Variants in PCDHGA1 observed in about 807,000 individuals in gnomAD.
PCDHGA1 encodes the protein protocadherin gamma subfamily A, 1, also known as protocadherin gamma-A1.
Under a neutral mutation model 58.0 loss-of-function variants are expected in PCDHGA1, and 32 were observed. The ratio of observed to expected loss-of-function variants is 0.55; its 90% CI spans 0.42 to 0.74. PCDHGA1 has a LOEUF of 0.74. Among genes scored for constraint, PCDHGA1 ranks in the 30% least tolerant of loss-of-function variants. The pLI, the probability that PCDHGA1 is intolerant of heterozygous loss-of-function variation, is 0.00. For synonymous variants in PCDHGA1, 498 were observed against 501.1 expected (o/e 0.99, Z 0.08); for missense variants, 1,205 against 1,182.3 (o/e 1.02, Z -0.28).
chr5:141,499,233 C>A (rs1047984757), intron 2 of PCDHGA1, among the ~76,000 whole-genome samples: 2 of 152,116 alleles, frequency 1.3e-5, no homozygotes, highest in Non-Finnish European at 2.9e-5. Context: ...CAGCTGTCCC[C>A]AGCCTCTGCA....
intron 1 of PCDHGA1, chr5:141,414,372 A>G: frequency 1.2e-6 from 2 of 1,613,914 alleles, no homozygotes; most frequent in Non-Finnish European, 1.7e-6. Context: ...TTAAATTAGA[A>G]AAGTCCATTG....
intron 1 of PCDHGA1, chr5:141,364,853 A>G (rs1352459567): frequency 6.2e-7 from 1 of 1,614,022 alleles, no homozygotes; most frequent in Non-Finnish European, 8.5e-7. Context: ...GCTCAGCTCC[A>G]ATCTGCACTT....
At chr5:141,372,380 A>G in intron 1 of PCDHGA1, 1 of 1,613,964 alleles carries the variant, frequency 6.2e-7, no homozygotes, top group Non-Finnish European at 8.5e-7. Context: ...TGCTGCACCT[A>G]ATCTTCGCAG....
chr5:141,489,060 TC>T lies in PCDHGA1; in HGVS notation c.2422-5741del, dbSNP rs1037208652. 41 of 300,146 alleles carry T rather than the reference TC, an allele frequency of 1.4e-4. No individual in the cohort carries two copies. The highest frequency in any genetic ancestry group is 2.3e-4 in the Non-Finnish European group (38 of 162,914). The allele number at this position is 300,146 out of a possible 1,614,324, so 18.6% of individuals were successfully genotyped here. A position where few individuals can be genotyped will look rare whatever the true frequency, so the allele number is the denominator to read the frequency against. On this transcript the variant is annotated intron_variant, in intron 1 of 3. Coordinates refer to ENST00000517417, the MANE Select transcript of PCDHGA1 (RefSeq NM_018912.3). This position sits in a 1 kb window ranked among gnomAD's most constrained non-coding sequence, Gnocchi z 4.5. ...CAGCTCCACTCAAATTCAGCTCCCC[TC>T]CCCCCTGCCCACCCCCGCCACTCGG...
At chr5:141,365,727 C>A (rs2149880807) in intron 1 of PCDHGA1, 1 of 1,613,786 alleles carries the variant, frequency 6.2e-7, no homozygotes, top group Non-Finnish European at 8.5e-7. Flanking sequence ...GAAAACAATC[C>A]CAGAGGTGTC....
intron 1 of PCDHGA1, chr5:141,351,505 C>A (rs780867267): frequency 6.2e-7 from 1 of 1,614,000 alleles, no homozygotes; most frequent in Non-Finnish European, 8.5e-7. Flanking sequence ...CAGACTACAA[C>A]GTCACAATCA....
intron 1 of PCDHGA1, among the ~76,000 whole-genome samples, chr5:141,462,288 G>A (rs1239615759): frequency 3.9e-5 from 6 of 152,196 alleles, no homozygotes; most frequent in Non-Finnish European, 7.3e-5. Flanking sequence ...CACCAAATAT[G>A]TAAGTATTAC....
Position 141,485,208 on chromosome 5 carries a change from G to T in PCDHGA1, c.2422-9599G>T, listed in dbSNP as rs2099609377. On this transcript the variant is annotated intron_variant, in intron 1 of 3. Coordinates refer to ENST00000517417, the MANE Select transcript of PCDHGA1 (RefSeq NM_018912.3). This position sits in a 1 kb window ranked among gnomAD's most constrained non-coding sequence, Gnocchi z 5.7. ...AAGGTGAGAAGCTGGACAGAAATCT[G>T]GCGGTGGGCTACCCTTTTGTTCCTC... The T allele has an allele frequency of 6.2e-7, 1 of 1,613,998 alleles. No homozygotes were observed. The highest frequency in any genetic ancestry group is 1.3e-5 in the African/African-American group (1 of 74,930).
chr5:141,473,116 G>A (rs966472502), intron 1 of PCDHGA1, among the ~76,000 whole-genome samples: 19 of 152,114 alleles, frequency 1.2e-4, no homozygotes, highest in African/African-American at 4.6e-4. Context: ...ACTTTACTTG[G>A]CTCTTTGGCA....
chr5:141,432,276 C>G lies in PCDHGA1; in HGVS notation c.2422-62531C>G, dbSNP rs747589363. ...GGGGCAAGCCTATCGTCCTACGTGT[C>G]CATCAACTCCGACACTGGGGTACTG... On this transcript the variant is annotated intron_variant, in intron 1 of 3. Transcript: ENST00000517417. The surrounding 1 kb of genome is among the most constrained non-coding windows in gnomAD (Gnocchi z 6.0). 6.2e-7 allele frequency: 1 copy of G among 1,614,236 alleles called. No homozygotes were observed. Among genetic ancestry groups the G allele is most frequent in the Non-Finnish European group, 8.5e-7 (1 of 1,180,044 alleles).
intron 1 of PCDHGA1, chr5:141,355,002 A>G: frequency 1.3e-6 from 1 of 756,684 alleles, no homozygotes; most frequent in South Asian, 3.1e-5. Flanking sequence ...GGGGGAAAAG[A>G]CAAACCAGAA....
intron 1 of PCDHGA1, chr5:141,388,368 A>G (rs1420676769): frequency 1.2e-6 from 2 of 1,614,026 alleles, no homozygotes; most frequent in Admixed American, 3.3e-5. Context: ...TGATGCGGAT[A>G]TTGGTAGCAA....
At chr5:141,482,809 T>C (rs1295469639) in intron 1 of PCDHGA1, among the ~76,000 whole-genome samples, 1 of 152,170 alleles carries the variant, frequency 6.6e-6, no homozygotes, top group Non-Finnish European at 1.5e-5. Flanking sequence ...CGGTGGCTCA[T>C]GCCTGTAATC....
intron 1 of PCDHGA1, chr5:141,400,525 G>T: frequency 1.2e-6 from 2 of 1,613,908 alleles, no homozygotes; most frequent in Non-Finnish European, 1.7e-6. Flanking sequence ...TCCTGAGTTG[G>T]TGAGTTTCAT....
chr5:141,405,261 T>TC, intron 1 of PCDHGA1: 1 of 1,613,852 alleles, frequency 6.2e-7, no homozygotes. Context: ...CACCTGATCT[T>TC]CCCCCAGCCC....
At chr5:141,406,682 ATTC>A (rs1390945950) in intron 1 of PCDHGA1, among the ~76,000 whole-genome samples, 1 of 152,216 alleles carries the variant, frequency 6.6e-6, no homozygotes, top group Non-Finnish European at 1.5e-5. Flanking sequence ...ATAGTAGGAC[ATTC>A]TTCTTTTCTA....
chr5:141,344,080 T>C, intron 1 of PCDHGA1: 1 of 1,610,900 alleles, frequency 6.2e-7, no homozygotes, highest in Non-Finnish European at 8.5e-7. Flanking sequence ...CTGGCCCTGC[T>C]GTGCGCGCTC....
rs750214310 is a variant in PCDHGA1 at position 141,432,447 on chromosome 5, T to C, written c.2422-62360T>C. 1 of 1,614,202 alleles carries C rather than the reference T, an allele frequency of 6.2e-7. No homozygotes were observed. Among genetic ancestry groups the C allele is most frequent in the South Asian group, 1.1e-5 (1 of 91,072 alleles). ...CAGAACGACAATGCGCCCGAGATCCTGTACCCCGCCCTCCCCACGGACGGT... is the reference window on the plus strand; with the variant it reads ...CAGAACGACAATGCGCCCGAGATCCCGTACCCCGCCCTCCCCACGGACGGT... On this transcript the variant is annotated intron_variant, in intron 1 of 3. Coordinates refer to ENST00000517417, the MANE Select transcript of PCDHGA1 (RefSeq NM_018912.3). This position sits in a 1 kb window ranked among gnomAD's most constrained non-coding sequence, Gnocchi z 6.0.
chr5:141,412,893 A>C (rs1190008207), intron 1 of PCDHGA1: 6 of 340,884 alleles, frequency 1.8e-5, no homozygotes, highest in Non-Finnish European at 2.6e-5. Flanking sequence ...AGAATAGTTT[A>C]CTTTCCATTG....
Sources: gnomAD v4.1 joint callset for allele counts (sites outside exome capture counted in the v4.1 genomes callset) on GRCh38, gnomAD v4.1.1 for gene constraint, Gnocchi (gnomAD v3.1) non-coding constraint, MANE v1.5 for transcripts, NCBI Gene and HGNC (gene_info 2026-07-23, HGNC 2026-07-21) for gene names.